ADARB2: variants seen among roughly 807,000 people sequenced by gnomAD.
ADARB2 encodes the protein inactive double-stranded RNA-specific editase B2.
A neutral mutation model predicts 62.2 loss-of-function variants in ADARB2; 25 were observed. The ratio of observed to expected loss-of-function variants is 0.40; its 90% CI spans 0.29 to 0.56. ADARB2 has a LOEUF of 0.56. Among genes scored for constraint, ADARB2 ranks in the 20% least tolerant of loss-of-function variants. The pLI, the probability that ADARB2 is intolerant of heterozygous loss-of-function variation, is 0.43. For missense variants in ADARB2, 1,071 were observed against 1,077.4 expected, an observed-to-expected ratio of 0.99 and a Z score of 0.08; for synonymous variants, 572 against 500.8, an observed-to-expected ratio of 1.14 and a Z score of -1.90.
intron 3 of ADARB2, among the ~76,000 whole-genome samples, chr10:1,330,404 G>A (rs1831918249): frequency 6.6e-6 from 1 of 152,164 alleles, no homozygotes; most frequent in African/African-American, 2.4e-5. Flanking sequence ...CTATTAATTT[G>A]TAAAACATAT....
chr10:1,411,244 G>C (rs895569656), intron 1 of ADARB2, among the ~76,000 whole-genome samples: 6 of 152,198 alleles, frequency 3.9e-5, no homozygotes, highest in African/African-American at 1.4e-4. Flanking sequence ...GCTCCAGGCT[G>C]CATGGTGGCT....
intron 7 of ADARB2, chr10:1,216,633 G>A (rs962799861): frequency 8.1e-6 from 3 of 372,378 alleles, no homozygotes; most frequent in Admixed American, 4.4e-5. Context: ...CCGACTGGCC[G>A]GCAGCCTCAG....
chr10:1,662,734 G>T (rs150099707), intron 1 of ADARB2, among the ~76,000 whole-genome samples: 1 of 152,176 alleles, frequency 6.6e-6, no homozygotes, highest in Non-Finnish European at 1.5e-5. Context: ...CGCAGGCTCC[G>T]GTTGCAACAA....
At chr10:1,698,624 A>C (rs1834778678) in intron 1 of ADARB2, among the ~76,000 whole-genome samples, 1 of 152,174 alleles carries the variant, frequency 6.6e-6, no homozygotes, top group African/African-American at 2.4e-5. Context: ...AGCAACTTCT[A>C]ATGTTGGAAA....
chr10:1,705,745 T>A (rs1360685601), intron 1 of ADARB2, among the ~76,000 whole-genome samples: 1 of 152,220 alleles, frequency 6.6e-6, no homozygotes, highest in African/African-American at 2.4e-5. Context: ...CTCTCAATAT[T>A]GTGCTGCTCT....
chr10:1,298,884 C>T (rs373399512), intron 3 of ADARB2, among the ~76,000 whole-genome samples: 5 of 151,352 alleles, frequency 3.3e-5, no homozygotes, highest in African/African-American at 7.3e-5. Context: ...GGACCACTGA[C>T]GTGCATCACC....
intron 1 of ADARB2, among the ~76,000 whole-genome samples, chr10:1,581,136 G>A (rs1225788833): frequency 6.6e-6 from 1 of 152,194 alleles, no homozygotes; most frequent in Non-Finnish European, 1.5e-5. Context: ...CTATATCCTC[G>A]CCAATACACT....
intron 1 of ADARB2, among the ~76,000 whole-genome samples, chr10:1,727,903 T>G (rs1327663454): frequency 6.6e-6 from 1 of 152,214 alleles, no homozygotes; most frequent in Non-Finnish European, 1.5e-5. Context: ...TAAATAAGAC[T>G]CATGCCCAAT....
At chr10:1,498,070 G>C (rs1324474849) in intron 1 of ADARB2, among the ~76,000 whole-genome samples, 1 of 152,170 alleles carries the variant, frequency 6.6e-6, no homozygotes, top group Non-Finnish European at 1.5e-5. Flanking sequence ...TAAGTCAGTA[G>C]ATGCCTTGGA....
intron 6 of ADARB2, among the ~76,000 whole-genome samples, chr10:1,222,691 G>C (rs1004096342): frequency 6.7e-6 from 1 of 149,558 alleles, no homozygotes; most frequent in East Asian, 1.9e-4. Context: ...CCCATTGCTT[G>C]TTTTTGTCAG....
chr10:1,240,719 C>A (rs1354462346), intron 5 of ADARB2, among the ~76,000 whole-genome samples: 2 of 152,208 alleles, frequency 1.3e-5, no homozygotes, highest in African/African-American at 4.8e-5. Context: ...TGTGGACCCC[C>A]CCAGCTGGTG....
intron 1 of ADARB2, among the ~76,000 whole-genome samples, chr10:1,713,581 A>AAG (rs1259475305): frequency 1.3e-5 from 2 of 152,140 alleles, no homozygotes; most frequent in African/African-American, 4.8e-5. Context: ...AGCATTGGCA[A>AAG]AGCCACAATA....
chr10:1,482,923 A>G (rs1831491232), intron 1 of ADARB2, among the ~76,000 whole-genome samples: 2 of 152,208 alleles, frequency 1.3e-5, no homozygotes, highest in Non-Finnish European at 2.9e-5. Context: ...TTGGGCTGCA[A>G]GGAAGCCCCA....
chr10:1,487,344 A>G (rs1358953892), intron 1 of ADARB2, among the ~76,000 whole-genome samples: 3 of 152,152 alleles, frequency 2.0e-5, no homozygotes, highest in South Asian at 2.1e-4. Context: ...CTAAATAAAC[A>G]TTCTCCACAC....
chr10:1,308,389 T>G (rs984795904), intron 3 of ADARB2, among the ~76,000 whole-genome samples: 1 of 152,248 alleles, frequency 6.6e-6, no homozygotes, highest in Non-Finnish European at 1.5e-5. Context: ...AGTTTGTGTA[T>G]CCACTGGCTT....
intron 4 of ADARB2, among the ~76,000 whole-genome samples, chr10:1,268,139 C>T (rs1831224167): frequency 6.6e-6 from 1 of 152,028 alleles, no homozygotes; most frequent in African/African-American, 2.4e-5. Context: ...AAAAAAGTAT[C>T]AAATGTTAAT....
In ADARB2 at chr10:1,308,089, TAAA is replaced by T. The variant is rs1290300630; in HGVS notation, c.1078-37023_1078-37021del. ...AAAACTTAAAGTATAATAAAAAAAATAAATTAAAAAAAAAAAGTATCTCCCACT... is the reference window on the plus strand; with the variant it reads ...AAAACTTAAAGTATAATAAAAAAAATTTAAAAAAAAAAAGTATCTCCCACT... On this transcript the variant is annotated intron_variant, in intron 3 of 9. Transcript: ENST00000381312. Among the ~76,000 whole-genome samples, 204 of 51,912 alleles carry T rather than the reference TAAA, an allele frequency of 3.9e-3. 1 individual carries two copies. The Middle Eastern group carries it at 0.062, about 16-fold the overall frequency. The allele number at this position is 51,912 out of a possible 152,430, so 34.1% of individuals were successfully genotyped here. A position where few individuals can be genotyped will look rare whatever the true frequency, so the allele number is the denominator to read the frequency against.
chr10:1,566,016 A>G (rs1832856453), intron 1 of ADARB2, among the ~76,000 whole-genome samples: 1 of 149,392 alleles, frequency 6.7e-6, no homozygotes, highest in African/African-American at 2.5e-5. Flanking sequence ...AAAAGATCTT[A>G]ATACTTTTCT....
intron 1 of ADARB2, among the ~76,000 whole-genome samples, chr10:1,688,564 C>T (rs1236124105): frequency 3.3e-5 from 5 of 152,332 alleles, no homozygotes; most frequent in African/African-American, 7.2e-5. Flanking sequence ...ATCACTGTGG[C>T]AGGAAAGCAG....
Sources: gnomAD v4.1 joint callset for allele counts (sites outside exome capture counted in the v4.1 genomes callset) on GRCh38, gnomAD v4.1.1 for gene constraint, MANE v1.5 for transcripts, NCBI Gene and HGNC (gene_info 2026-07-23, HGNC 2026-07-21) for gene names.